The following SRCAP variants were observed in gnomAD, a reference collection of about 807,000 sequenced individuals.
SRCAP encodes chromatin remodeling protein SRCAP.
SRCAP carries 46 observed loss-of-function variants against 263.1 expected under a neutral mutation model. That is an observed-to-expected ratio of 0.17 (90% CI 0.14 to 0.22). The LOEUF is 0.22. SRCAP is among the 10% of genes least tolerant of loss of function. The probability of loss-of-function intolerance (pLI) is 1.00; values close to 1 mark genes in which losing one functional copy is unlikely to be tolerated. For synonymous variants in SRCAP, 1,813 were observed against 1,662.1 expected, an observed-to-expected ratio of 1.09 and a Z score of -2.21; for missense variants, 3,695 against 4,181.9, an observed-to-expected ratio of 0.88 and a Z score of 3.21.
intron 9 of SRCAP, 70 bp from the exon 10 acceptor site, chr16:30,710,929 G>C (rs2052883806): frequency 3.8e-6 from 6 of 1,598,664 alleles, no homozygotes; most frequent in Non-Finnish European, 5.1e-6. Context: ...TTTCTCATCT[G>C]TTTCATTTGG....
At position 30,732,899 on chromosome 16, in the gene SRCAP, C is replaced by A. The variant is rs188011994; in HGVS notation, c.6128-381C>A. Among the ~76,000 whole-genome samples, 20 of 152,288 alleles carry A rather than the reference C, an allele frequency of 1.3e-4. No individual in the cohort carries two copies. In the East Asian group the frequency reaches 3.9e-3, roughly 29 times the overall value. Reference sequence around the variant, plus strand: ...CCAGGCTGAAGTGCATTGGTGGGATCTCAGCTCACTGCAACCTCTGCCTCC... The same window carrying A: ...CCAGGCTGAAGTGCATTGGTGGGATATCAGCTCACTGCAACCTCTGCCTCC... On this transcript the variant is annotated intron_variant, in intron 27 of 33. Coordinates refer to ENST00000262518, the MANE Select transcript of SRCAP (RefSeq NM_006662.3).
Position 30,709,500 on chromosome 16 carries a change from A to C in SRCAP, c.634-13A>C. On this transcript the variant is annotated splice_polypyrimidine_tract_variant and intron_variant, in intron 6 of 33. Transcript: ENST00000262518. ...GTTATCTTGGTGAGCAGTCCCTTTC[A>C]CATCTGTGGCAGGTGGTGCAATTCA... is the stretch of plus-strand genomic sequence containing the variant. The C allele has an allele frequency of 6.2e-7, 1 of 1,614,026 alleles. No homozygotes were observed. The highest frequency in any genetic ancestry group is 8.5e-7 in the Non-Finnish European group (1 of 1,179,882).
At position 30,737,784 on chromosome 16, in the gene SRCAP, C is replaced by G. The variant is rs1226947726; in HGVS notation, c.7744C>G (p.Pro2582Ala). Residue 2582 changes from proline (P) to alanine (A), a missense_variant, in exon 34 of 34, where the codon CCT becomes GCT. Physicochemically the swap from Pro to Ala is conservative, Grantham distance 27. Transcript: ENST00000262518. Reference sequence around the variant, plus strand: ...AACCTCCTCACTTTCTCTTGTGCCCCCTAAAGATCTGTTGCCAGTTGCTGT... The same window carrying G: ...AACCTCCTCACTTTCTCTTGTGCCCGCTAAAGATCTGTTGCCAGTTGCTGT... Reference protein sequence around the residue: ...SETSSLSLVPPKDLLPVAVEI... With the variant: ...SETSSLSLVPAKDLLPVAVEI... 5 of 1,614,064 alleles carry G rather than the reference C, an allele frequency of 3.1e-6. No individual in the cohort carries two copies. The African/African-American group carries it at 4.0e-5, about 13-fold the overall frequency.
At position 30,739,255 on chromosome 16, in the gene SRCAP, A is replaced by G; in HGVS notation, c.9215A>G (p.Glu3072Gly). The change falls in exon 34 of 34, where the codon GAA becomes GGA. Residue 3072 changes from glutamate (E) to glycine (G), a missense_variant. Around this residue, in one of 12 missense-constraint regions of SRCAP, gnomAD observed 1,207 missense variants for 1,142.9 expected, o/e 1.06. Coordinates refer to ENST00000262518, the MANE Select transcript of SRCAP (RefSeq NM_006662.3). ...PLTRLARLRL[E>G]AEGMRGRKSG... is the part of the protein sequence containing the mutation. ...ACCCGCCTGGCCCGCCTTCGGCTTG[A>G]AGCAGAAGGAATGCGAGGACGGAAG... The G allele has an allele frequency of 6.2e-7, 1 of 1,613,834 alleles. No individual in the cohort carries two copies. Among genetic ancestry groups the G allele is most frequent in the Non-Finnish European group, 8.5e-7 (1 of 1,179,990 alleles).
rs75957974 is a variant in SRCAP at position 30,712,244 on chromosome 16, A to G, written c.1816-18A>G. 1.6e-4 allele frequency: 251 copies of G among 1,593,268 alleles called. 2 individuals are homozygous for G. The East Asian group carries it at 5.3e-3, about 34-fold the overall frequency. On this transcript the variant is annotated intron_variant, in intron 12 of 33. Coordinates refer to ENST00000262518, the MANE Select transcript of SRCAP (RefSeq NM_006662.3). Reference sequence around the variant, plus strand: ...ATGCCTCATTTCCATTGTGTTACCTATATTTCCTCTCTGACAGGTAAAGAC... The same window carrying G: ...ATGCCTCATTTCCATTGTGTTACCTGTATTTCCTCTCTGACAGGTAAAGAC...
At chr16:30,705,265 A>G (rs1331770562) in intron 4 of SRCAP, among the ~76,000 whole-genome samples, 1 of 152,216 alleles carries the variant, frequency 6.6e-6, no homozygotes, top group Non-Finnish European at 1.5e-5. Context: ...ATGCCACTGC[A>G]CACCAGCCTG....
Position 30,738,909 on chromosome 16 carries a change from G to A in SRCAP, c.8869G>A (p.Ala2957Thr). The A allele has an allele frequency of 2.5e-6, 4 of 1,614,156 alleles. No homozygotes were observed. The South Asian group carries it at 4.4e-5, about 18-fold the overall frequency. ...DLPIPGTISS[A>T]GDGNSESRTQ... ...GCCCATCCCTGGGACCATTTCCTCT[G>A]CAGGGGATGGCAACTCCGAAAGTCG... The change falls in exon 34 of 34, where the codon GCA becomes ACA. Residue 2957 changes from alanine to threonine, a missense_variant. Coordinates refer to ENST00000262518, the MANE Select transcript of SRCAP (RefSeq NM_006662.3).
chr16:30,733,498 C>T lies in SRCAP; in HGVS notation c.6297+49C>T. The stretch of plus-strand genomic sequence containing the variant: ...TAGAGGCTCACCTCCGCTTCTCTCT[C>T]CTTTTCCCAGGATTTGGGCTTCCAG... On this transcript the variant is annotated intron_variant, in intron 28 of 33. Coordinates refer to ENST00000262518, the MANE Select transcript of SRCAP (RefSeq NM_006662.3). This position sits in a 1 kb window ranked among gnomAD's most constrained non-coding sequence, Gnocchi z 5.3. The T allele has an allele frequency of 3.7e-6, 6 of 1,610,106 alleles. No individual in the cohort carries two copies. Among genetic ancestry groups the T allele is most frequent in the Non-Finnish European group, 5.1e-6 (6 of 1,177,224 alleles).
In SRCAP at chr16:30,724,464, A is replaced by G. The variant is rs1057153432; in HGVS notation, c.5040A>G (p.Thr1680=). 5 of 1,614,152 alleles carry G rather than the reference A, an allele frequency of 3.1e-6. No homozygotes were observed. The Middle Eastern group carries it at 4.9e-4, about 160-fold the overall frequency. ...SPLPSPASTQ[T]LALAPALAPT... is the part of the protein sequence containing the mutation. ...TCCCGAGCCCGGCTTCTACGCAGAC[A>G]CTGGCCCTAGCCCCAGCTTTAGCAC... The change falls in exon 25 of 34, where the codon ACA becomes ACG. Residue 1680 remains threonine (T), a synonymous_variant. Transcript: ENST00000262518.
rs2053012675 is a variant in SRCAP, at chr16:30,721,606, C to T, written c.3541+130C>T. The T allele has an allele frequency of 8.6e-6, 11 of 1,283,908 alleles. No homozygotes were observed. The South Asian group carries it at 1.7e-4, about 20-fold the overall frequency. 79.5% of individuals were successfully genotyped at this position (1,283,908 alleles called of 1,614,324 possible). ...CCTATAATCCCGGTGCTTTGGGAGG[C>T]CAAGGTGGGAGGTTTGCTTCAGCCA... On this transcript the variant is annotated intron_variant, in intron 21 of 33. Transcript: ENST00000262518.
intron 4 of SRCAP, among the ~76,000 whole-genome samples, chr16:30,705,064 G>GC (rs2052811601): frequency 6.6e-6 from 1 of 152,176 alleles, no homozygotes; most frequent in Non-Finnish European, 1.5e-5. Context: ...ACTTTGGGAG[G>GC]CCGAGGCGGG....
chr16:30,715,925 G>A, intron 16 of SRCAP, 141 bp from the exon 17 acceptor site: 2 of 1,050,466 alleles, frequency 1.9e-6, no homozygotes, highest in Non-Finnish European at 2.7e-6. Flanking sequence ...GATCCCTTGA[G>A]GGCTTGCAGT....
chr16:30,704,649 G>A (rs143559940), intron 4 of SRCAP, among the ~76,000 whole-genome samples: 25 of 152,086 alleles, frequency 1.6e-4, no homozygotes, highest in Middle Eastern at 3.4e-3. Context: ...ACCAGACTGG[G>A]CAATGTGGTA....
rs374725943 is a variant in SRCAP at position 30,721,416 on chromosome 16, G to A, written c.3481G>A (p.Ala1161Thr). ...TATATTTAVPAPTPAPQRLIL... is the reference protein window; with the variant it reads ...TATATTTAVPTPTPAPQRLIL... ...AACTGCTACCACCACAGCAGTGCCAGCTCCGACTCCTGCACCACAGCGCCT... is the reference window on the plus strand; with the variant it reads ...AACTGCTACCACCACAGCAGTGCCAACTCCGACTCCTGCACCACAGCGCCT... The change falls in exon 21 of 34, where the codon GCT (alanine) becomes ACT (threonine). Residue 1161 changes from alanine (A) to threonine (T), a missense_variant. Coordinates refer to ENST00000262518, the MANE Select transcript of SRCAP (RefSeq NM_006662.3). 8.1e-6 allele frequency: 13 copies of A among 1,613,348 alleles called. No homozygotes were observed. In the African/African-American group the frequency reaches 1.7e-4, roughly 22 times the overall value.
chr16:30,709,734 A>C lies in SRCAP; in HGVS notation c.855A>C (p.Glu285Asp), dbSNP rs751019569. 11 of 1,613,952 alleles carry C rather than the reference A, an allele frequency of 6.8e-6. No individual in the cohort carries two copies. The highest frequency in any genetic ancestry group is 8.5e-6 in the Non-Finnish European group (10 of 1,180,008). The change falls in exon 7 of 34, where the codon GAA becomes GAC. Residue 285 changes from glutamate (E) to aspartate (D), a missense_variant and splice_region_variant. Physicochemically the swap from Glu to Asp is conservative, Grantham distance 45. Around this residue, in one of 12 missense-constraint regions of SRCAP, gnomAD observed 44 missense variants for 42.9 expected, o/e 1.03. Coordinates refer to ENST00000262518, the MANE Select transcript of SRCAP (RefSeq NM_006662.3). ...CCCCTGCTTCTCGCCTGGATGATGA[A>C]GGTGTGTGTTCTCTTTGGTCCTGTT... ...PPPPASRLDD[E>D]DGDFQPQEDE...
At chr16:30,701,886 C>T (rs1406705104) in intron 3 of SRCAP, among the ~76,000 whole-genome samples, 2 of 151,646 alleles carry the variant, frequency 1.3e-5, no homozygotes, top group Non-Finnish European at 2.9e-5. Flanking sequence ...CCCACCTTGG[C>T]CTCCCAAAGT....
At chr16:30,728,607 C>G (rs1225735875) in intron 25 of SRCAP, among the ~76,000 whole-genome samples, 1 of 152,108 alleles carries the variant, frequency 6.6e-6, no homozygotes, top group Non-Finnish European at 1.5e-5. Flanking sequence ...TTGAGTGTTA[C>G]GTAGGAAAAT....
intron 27 of SRCAP, among the ~76,000 whole-genome samples, chr16:30,730,945 C>T (rs931664064): frequency 1.3e-5 from 2 of 152,000 alleles, no homozygotes; most frequent in South Asian, 2.1e-4. Context: ...TGGGATTACA[C>T]ACGTGAGCCA....
intron 4 of SRCAP, 125 bp downstream of exon 4, chr16:30,704,440 T>A: frequency 8.1e-7 from 1 of 1,238,876 alleles, no homozygotes. Flanking sequence ...TCTGCCTTAA[T>A]GTATATGATC....
Sources: gnomAD v4.1 joint callset for allele counts (sites outside exome capture counted in the v4.1 genomes callset) on GRCh38, gnomAD v4.1.1 for gene constraint, gnomAD v4.1.1 regional missense constraint, Gnocchi (gnomAD v3.1) non-coding constraint, MANE v1.5 for transcripts, NCBI Gene and HGNC (gene_info 2026-07-23, HGNC 2026-07-21) for gene names.